Variants in ERCC6L2 observed in about 807,000 individuals in gnomAD.
ERCC6L2 encodes DNA excision repair protein ERCC-6-like 2.
ERCC6L2 carries 77 observed loss-of-function variants against 132.0 expected under a neutral mutation model. The ratio of observed to expected loss-of-function variants is 0.58; its 90% CI spans 0.49 to 0.71. ERCC6L2 has a LOEUF of 0.71. Ranked by LOEUF, ERCC6L2 falls within the 30% of genes least tolerant of loss-of-function variation. ERCC6L2 has a pLI of 0.00. For synonymous variants in ERCC6L2, 583 were observed against 632.4 expected (o/e 0.92, Z 1.17); for missense variants, 1,542 against 1,837.6 (o/e 0.84, Z 2.94).
At position 95,972,010 on chromosome 9, in the gene ERCC6L2, C is replaced by T; in HGVS notation, c.2259C>T (p.Leu753=). 7.7e-7 allele frequency: 1 copy of T among 1,304,208 alleles called. No individual in the cohort carries two copies. Among genetic ancestry groups the T allele is most frequent in the Non-Finnish European group, 1.0e-6 (1 of 988,936 alleles). 80.8% of individuals were successfully genotyped at this position (1,304,208 alleles called of 1,614,324 possible). A position where few individuals can be genotyped will look rare whatever the true frequency, so the allele number is the denominator to read the frequency against. Residue 753 remains leucine, a synonymous_variant, in exon 16 of 19, where the codon CTC becomes CTT. Transcript: ENST00000653738. ...CACTGGCAAAGGAAGCATGTGATCT[C>T]TGCAGTGACTTCAGTGATGAAGAGC... The part of the protein sequence containing the change: ...AEPLAKEACD[L]CSDFSDEEPV...
intron 18 of ERCC6L2, among the ~76,000 whole-genome samples, chr9:96,009,768 A>G (rs568626527): frequency 6.6e-6 from 1 of 152,254 alleles, no homozygotes; most frequent in Non-Finnish European, 1.5e-5. Flanking sequence ...AATGATAATT[A>G]TAGCTTATCC....
chr9:95,951,929 G>T (rs1376889217), intron 12 of ERCC6L2, among the ~76,000 whole-genome samples: 3 of 151,770 alleles, frequency 2.0e-5, no homozygotes, highest in Non-Finnish European at 4.4e-5. Context: ...CAGCATTTTA[G>T]GAGGTCAAGG....
chr9:95,985,142 C>G (rs755629446), intron 17 of ERCC6L2, among the ~76,000 whole-genome samples: 2 of 152,214 alleles, frequency 1.3e-5, no homozygotes, highest in Non-Finnish European at 2.9e-5. Context: ...TGCCCATTCT[C>G]TATGCCAGTC....
At chr9:95,876,465 A>G (rs1827275379) in intron 1 of ERCC6L2, 1 of 193,100 alleles carries the variant, frequency 5.2e-6, no homozygotes, top group East Asian at 1.3e-4. Flanking sequence ...TTCATTCTTT[A>G]TTCTTGTATG....
Position 95,968,932 on chromosome 9 carries a change from A to G in ERCC6L2, c.2101-1644A>G, listed in dbSNP as rs1369832756. 2 of 152,222 alleles carry G rather than the reference A, an allele frequency of 1.3e-5. 1 individual carries two copies. Among genetic ancestry groups the G allele is most frequent in the South Asian group, 4.1e-4 (2 of 4,836 alleles). 9.4% of individuals were successfully genotyped at this position (152,222 alleles called of 1,614,324 possible). A position where few individuals can be genotyped will look rare whatever the true frequency, so the allele number is the denominator to read the frequency against. On this transcript the variant is annotated intron_variant, in intron 14 of 18. Coordinates refer to ENST00000653738, the MANE Select transcript of ERCC6L2 (RefSeq NM_020207.7). Reference sequence around the variant, plus strand: ...TTATGATAGGTTCTAAGGATAAAAAATAGAACAGGGAAGGGAAATAGAAAC... The same window carrying G: ...TTATGATAGGTTCTAAGGATAAAAAGTAGAACAGGGAAGGGAAATAGAAAC...
downstream of ERCC6L2, chr9:96,021,682 C>T (rs962958794): frequency 6.5e-6 from 1 of 152,938 alleles, no homozygotes. This position sits in a 1 kb window ranked among gnomAD's most constrained non-coding sequence, Gnocchi z 4.7. Flanking sequence ...GGTCCGCTCC[C>T]TTCCCCGCCC....
chr9:96,038,271 G>C (rs923535121), intron 19 of ERCC6L2, among the ~76,000 whole-genome samples: 3 of 152,206 alleles, frequency 2.0e-5, no homozygotes, highest in Non-Finnish European at 4.4e-5. Context: ...TGAAAGACTG[G>C]GAGGAATCTG....
Position 95,897,728 on chromosome 9 carries a change from AT to A in ERCC6L2, c.472-118del, listed in dbSNP as rs1197505531. 4.9e-6 allele frequency: 5 copies of A among 1,013,202 alleles called. No individual in the cohort carries two copies. The African/African-American group carries it at 8.3e-5, about 17-fold the overall frequency. The allele number at this position is 1,013,202 out of a possible 1,614,324, so 62.8% of individuals were successfully genotyped here. A position where few individuals can be genotyped will look rare whatever the true frequency, so the allele number is the denominator to read the frequency against. ...AATCAGTACTAATATTTCATGTTCT[AT>A]TTCCCCCAACAAATCTCTTTGTACA... On this transcript the variant is annotated intron_variant, in intron 2 of 18. Transcript: ENST00000653738.
Position 95,907,133 on chromosome 9 carries a change from A to G in ERCC6L2, c.650A>G (p.Asp217Gly), listed in dbSNP as rs182659090. 2.9e-5 allele frequency: 46 copies of G among 1,613,152 alleles called. No individual in the cohort carries two copies. In the East Asian group the frequency reaches 9.8e-4, roughly 34 times the overall value. Residue 217 changes from aspartate (D) to glycine (G), a missense_variant, in exon 4 of 19, where the codon GAC becomes GGC. Around this residue, in one of 4 missense-constraint regions of ERCC6L2, gnomAD observed 945 missense variants for 1,105.2 expected, o/e 0.86. Transcript: ENST00000653738. ...SVLYNWKDEL[D>G]TWGYFRVTVL... ...CTCTACAACTGGAAGGATGAATTGG[A>G]CACCTGGGGATATTTCAGAGTCACT...
Position 95,880,001 on chromosome 9 carries a change from A to G in ERCC6L2, c.47-868A>G, listed in dbSNP as rs192010788. On this transcript the variant is annotated intron_variant, in intron 1 of 18. Transcript: ENST00000653738. The stretch of plus-strand genomic sequence containing the variant: ...TACTTTTTAATTGTACCAATAGTAT[A>G]CTGTGGACTCCCTCCTCATTCATAG... Among the ~76,000 whole-genome samples the G allele has an allele frequency of 1.2e-3, 178 of 152,286 alleles. 2 individuals carry two copies. The highest frequency in any genetic ancestry group is 3.9e-3 in the African/African-American group (164 of 41,562).
At chr9:95,891,892 C>T (rs1463143516) in intron 2 of ERCC6L2, among the ~76,000 whole-genome samples, 2 of 151,900 alleles carry the variant, frequency 1.3e-5, no homozygotes, top group Non-Finnish European at 2.9e-5. Flanking sequence ...TTTTTAATTT[C>T]ATTGTCTTTA....
chr9:95,997,058 C>T (rs4532708), intron 17 of ERCC6L2, among the ~76,000 whole-genome samples: 19,383 of 152,136 alleles, frequency 0.13, 1,315 homozygotes, highest in South Asian at 0.23. Context: ...CTTGGTGAGA[C>T]TCCATCTCTA....
At chr9:95,999,630 A>G (rs913593102) in intron 17 of ERCC6L2, among the ~76,000 whole-genome samples, 3 of 152,124 alleles carry the variant, frequency 2.0e-5, no homozygotes, top group Non-Finnish European at 4.4e-5. Flanking sequence ...GGCTTCAGAA[A>G]TTGCAAAATA....
chr9:95,982,476 T>A (rs1832931343), intron 17 of ERCC6L2, among the ~76,000 whole-genome samples: 1 of 152,100 alleles, frequency 6.6e-6, no homozygotes, highest in Non-Finnish European at 1.5e-5. Flanking sequence ...TCCATTATCC[T>A]GTTTTTCAGG....
chr9:95,974,139 TATTC>T (rs1433241671), intron 16 of ERCC6L2, among the ~76,000 whole-genome samples: 1 of 152,210 alleles, frequency 6.6e-6, no homozygotes, highest in Non-Finnish European at 1.5e-5. Flanking sequence ...TATACTTATT[TATTC>T]ATTCAGAGTA....
downstream of ERCC6L2, chr9:96,021,328 C>T (rs1037516746): frequency 6.1e-6 from 2 of 328,884 alleles, no homozygotes; most frequent in Non-Finnish European, 5.9e-6. This position sits in a 1 kb window ranked among gnomAD's most constrained non-coding sequence, Gnocchi z 4.7. Flanking sequence ...GCTTGGCCGG[C>T]TGGAAACGGG....
chr9:95,972,458 G>A lies in ERCC6L2; in HGVS notation c.2707G>A (p.Val903Ile), dbSNP rs980987742. 3.1e-6 allele frequency: 4 copies of A among 1,284,590 alleles called. No homozygotes were observed. In the African/African-American group the frequency reaches 6.1e-5, roughly 20 times the overall value. The allele number at this position is 1,284,590 out of a possible 1,614,324, so 79.6% of individuals were successfully genotyped here. A position where few individuals can be genotyped will look rare whatever the true frequency, so the allele number is the denominator to read the frequency against. The stretch of plus-strand genomic sequence containing the variant: ...TGTCACAGAATCAGAAGATAGTGAT[G>A]TCATCTGTCCTACACAATACACAAC... ...QNVTESEDSDVICPTQYTTER... is the reference protein window; with the variant it reads ...QNVTESEDSDIICPTQYTTER... The change falls in exon 16 of 19, where the codon GTC becomes ATC. Residue 903 changes from valine (V) to isoleucine (I), a missense_variant. By Grantham distance (29) the Val-to-Ile change is conservative. Transcript: ENST00000653738.
intron 12 of ERCC6L2, among the ~76,000 whole-genome samples, chr9:95,946,007 TA>T (rs138072966): frequency 6.6e-6 from 1 of 151,782 alleles, no homozygotes; most frequent in Admixed American, 6.6e-5. Flanking sequence ...GAAAATAAGA[TA>T]AAAAAATCAA....
chr9:96,024,644 T>G (rs893176391), intron 19 of ERCC6L2, among the ~76,000 whole-genome samples: 1 of 152,140 alleles, frequency 6.6e-6, no homozygotes, highest in Non-Finnish European at 1.5e-5. Context: ...GCCCCTCCAC[T>G]CACTCTCATG....
Sources: allele counts gnomAD v4.1 joint callset (sites outside exome capture counted in the v4.1 genomes callset), GRCh38; gene constraint gnomAD v4.1.1; regional missense constraint gnomAD v4.1.1; non-coding constraint Gnocchi (gnomAD v3.1); transcripts MANE v1.5; gene names NCBI Gene and HGNC (gene_info 2026-07-23, HGNC 2026-07-21).